ALG12: variants seen among roughly 807,000 people sequenced by gnomAD.
ALG12 encodes dol-P-Man:Man(7)GlcNAc(2)-PP-Dol alpha-1,6-mannosyltransferase.
In ALG12, 36 loss-of-function variants were observed where a neutral mutation model predicts 46.0. The observed-to-expected ratio is 0.78, with a 90% confidence interval of 0.60 to 1.03. The LOEUF is 1.03. ALG12 is among the 50% of genes least tolerant of loss of function. The pLI, the probability that ALG12 is intolerant of heterozygous loss-of-function variation, is 0.00. For missense variants in ALG12, 599 were observed against 633.5 expected, an observed-to-expected ratio of 0.95 and a Z score of 0.58; for synonymous variants, 326 against 291.6, an observed-to-expected ratio of 1.12 and a Z score of -1.20.
At chr22:49,908,594 T>G (rs1348622503) in intron 6 of ALG12, among the ~76,000 whole-genome samples, 1 of 144,810 alleles carries the variant, frequency 6.9e-6, no homozygotes, top group Admixed American at 6.8e-5. Context: ...ATGTTGGGAT[T>G]CGTTATGCTG....
the ALG12 span, among the ~76,000 whole-genome samples, chr22:49,866,383 C>A: frequency 6.6e-6 from 1 of 152,046 alleles, no homozygotes; most frequent in African/African-American, 2.4e-5. Flanking sequence ...TTAATCCCCT[C>A]ATTTCTTTTT....
chr22:49,894,315 G>A, the ALG12 span, among the ~76,000 whole-genome samples: 1 of 152,230 alleles, frequency 6.6e-6, no homozygotes, highest in Non-Finnish European at 1.5e-5. Context: ...GGGACACATA[G>A]GAAACAGAGG....
the ALG12 span, chr22:49,886,363 C>T: frequency 5.6e-6 from 9 of 1,609,884 alleles, no homozygotes; most frequent in African/African-American, 1.3e-5. This position sits in a 1 kb window ranked among gnomAD's most constrained non-coding sequence, Gnocchi z 7.7. Context: ...CATGCTCGAG[C>T]GGCTCATTGA....
the ALG12 span, among the ~76,000 whole-genome samples, chr22:49,881,119 G>A: frequency 1.3e-5 from 2 of 152,250 alleles, no homozygotes; most frequent in East Asian, 1.9e-4. Context: ...GCTGAGGCAG[G>A]TGGATCACGT....
chr22:49,884,084 A>G, the ALG12 span: 1 of 1,612,152 alleles, frequency 6.2e-7, no homozygotes, highest in Admixed American at 1.7e-5. Context: ...TACTGTGTGA[A>G]GGAGTTCAGC....
At chr22:49,886,854 G>C in the ALG12 span, 4 of 1,614,104 alleles carry the variant, frequency 2.5e-6, no homozygotes, top group Non-Finnish European at 3.4e-6. The surrounding 1 kb of genome is among the most constrained non-coding windows in gnomAD (Gnocchi z 7.7). Context: ...AGGAGAACCT[G>C]TGGTCACTTG....
rs775974894 is a variant in ALG12 at position 49,909,283 on chromosome 22, A to G, written c.729T>C (p.Leu243=). 5.0e-6 allele frequency: 8 copies of G among 1,614,226 alleles called. No homozygotes were observed. The highest frequency in any genetic ancestry group is 5.9e-6 in the Non-Finnish European group (7 of 1,180,038). Residue 243 remains leucine (L), a synonymous_variant, in exon 6 of 10, where the codon CTT becomes CTC. Transcript: ENST00000330817. ...TTTTGTTCAGGACAGTGTTGTACCA[A>G]AGCACCTTTCCTTCCGGCCAAGTGA... ...RQLTWPEGKV[L]WYNTVLNKSS...
At chr22:49,862,692 C>CTTT in the ALG12 span, among the ~76,000 whole-genome samples, 1 of 98,748 alleles carries the variant, frequency 1.0e-5, no homozygotes, top group African/African-American at 3.9e-5. Flanking sequence ...TTAAGTTTTT[C>CTTT]CTTTTTTTTT....
In ALG12 at chr22:49,911,504, G is replaced by A. The variant is rs138042259; in HGVS notation, c.296-897C>T. On this transcript the variant is annotated intron_variant, in intron 3 of 9. Transcript: ENST00000330817. ...GGCTGGAGTGCAGTGGCATAATCTC[G>A]GCTCACTGCAACCTCTGCCTTCCGG... 3.4e-3 allele frequency among the ~76,000 whole-genome samples: 520 copies of A among 151,990 alleles called. 5 individuals are homozygous for A. Among genetic ancestry groups the A allele is most frequent in the African/African-American group, 0.011 (473 of 41,432 alleles).
At chr22:49,884,447 A>G in the ALG12 span, 1 of 1,614,184 alleles carries the variant, frequency 6.2e-7, no homozygotes. Flanking sequence ...CCTGCTCTCC[A>G]TTACGATGAA....
At position 49,906,116 on chromosome 22, in the gene ALG12, T is replaced by A. The variant is rs2060540640; in HGVS notation, c.992+1605A>T. Among the ~76,000 whole-genome samples the A allele has an allele frequency of 6.6e-6, 1 of 152,108 alleles. No homozygotes were observed. The highest frequency in any genetic ancestry group is 2.1e-4 in the South Asian group (1 of 4,822). ...TTTGGACTCCCCAAGTTTGTCCTCC[T>A]CCGGATAAGGCCGACTGGCACAGCA... On this transcript the variant is annotated intron_variant, in intron 7 of 9. Coordinates refer to ENST00000330817, the MANE Select transcript of ALG12 (RefSeq NM_024105.4). The surrounding 1 kb of genome is among the most constrained non-coding windows in gnomAD (Gnocchi z 4.4).
At chr22:49,882,406 C>G in the ALG12 span, among the ~76,000 whole-genome samples, 3 of 152,216 alleles carry the variant, frequency 2.0e-5, no homozygotes, top group Non-Finnish European at 2.9e-5. Context: ...GACAGTAAAA[C>G]TCCGTCTCTT....
the ALG12 span, among the ~76,000 whole-genome samples, chr22:49,872,668 T>C: frequency 6.6e-6 from 1 of 152,104 alleles, no homozygotes; most frequent in East Asian, 1.9e-4. Flanking sequence ...TAGCTGGGAC[T>C]GCAGGTGTAT....
downstream of ALG12, among the ~76,000 whole-genome samples, chr22:49,898,234 C>T (rs895219229): frequency 1.7e-4 from 25 of 151,444 alleles, no homozygotes; most frequent in African/African-American, 6.1e-4. Flanking sequence ...TTTAGAACTC[C>T]TAGGCTTAAG....
chr22:49,880,747 T>G, the ALG12 span, among the ~76,000 whole-genome samples: 1 of 152,236 alleles, frequency 6.6e-6, no homozygotes, highest in Non-Finnish European at 1.5e-5. Flanking sequence ...ATTTTAGACT[T>G]CTGTTTATCA....
the ALG12 span, among the ~76,000 whole-genome samples, chr22:49,869,256 G>A: frequency 1.3e-5 from 2 of 152,190 alleles, no homozygotes; most frequent in African/African-American, 4.8e-5. Context: ...GCATGTTGGT[G>A]TGTGTGTTTA....
In ALG12 at chr22:49,902,410, A is replaced by ACTGTGTATGCATTGTG. The variant is rs1491118937; in HGVS notation, c.*1427_*1428insCACAATGCATACACAG. 1 of 67,026 alleles carries ACTGTGTATGCATTGTG rather than the reference A, an allele frequency of 1.5e-5. No individual in the cohort carries two copies. Among genetic ancestry groups the ACTGTGTATGCATTGTG allele is most frequent in the Non-Finnish European group, 2.4e-5 (1 of 41,546 alleles). The allele number at this position is 67,026 out of a possible 1,614,324, so 4.2% of individuals were successfully genotyped here. On this transcript the variant is annotated 3_prime_UTR_variant, in exon 10 of 10. Coordinates refer to ENST00000330817, the MANE Select transcript of ALG12 (RefSeq NM_024105.4). ...TGGTGTGTATGCATGGTGTGTGCAC[A>ACTGTGTATGCATTGTG]TGTGCACTGTGTATGCATGGTGTGT... is the stretch of plus-strand genomic sequence containing the variant.
At chr22:49,884,818 G>T in the ALG12 span, 1 of 1,610,478 alleles carries the variant, frequency 6.2e-7, no homozygotes, top group Admixed American at 1.7e-5. Context: ...GTCCCCTTCG[G>T]CCTCCTCCTC....
At chr22:49,875,709 C>T in the ALG12 span, among the ~76,000 whole-genome samples, 2 of 151,830 alleles carry the variant, frequency 1.3e-5, no homozygotes, top group Admixed American at 1.3e-4. Context: ...GCGTGAGTCA[C>T]CCCGCCCAGC....
Sources: allele counts gnomAD v4.1 joint callset (sites outside exome capture counted in the v4.1 genomes callset), GRCh38; gene constraint gnomAD v4.1.1; non-coding constraint Gnocchi (gnomAD v3.1); transcripts MANE v1.5; gene names NCBI Gene and HGNC (gene_info 2026-07-23, HGNC 2026-07-21).